Variants in WDR72 observed in about 807,000 individuals in gnomAD.
WDR72 encodes the protein WD repeat-containing protein 72.
WDR72 carries 120 observed loss-of-function variants against 124.2 expected under a neutral mutation model. The observed-to-expected ratio is 0.97, with a 90% CI of 0.83 to 1.12. WDR72 has a LOEUF of 1.12. Among genes scored for constraint, WDR72 ranks in the 50% most tolerant of loss-of-function variants. The pLI is 0.00. For synonymous variants in WDR72, 452 were observed against 441.7 expected, an observed-to-expected ratio of 1.02 and a Z score of -0.29; for missense variants, 1,387 against 1,278.8, an observed-to-expected ratio of 1.08 and a Z score of -1.29.
chr15:53,603,454 C>T (rs1185460859), intron 17 of WDR72, among the ~76,000 whole-genome samples: 1 of 152,152 alleles, frequency 6.6e-6, no homozygotes, highest in East Asian at 1.9e-4. Context: ...TCTTACTACT[C>T]CTATTCAACA....
intron 1 of WDR72, among the ~76,000 whole-genome samples, chr15:53,755,874 G>A (rs569229851): frequency 2.0e-5 from 3 of 152,248 alleles, no homozygotes; most frequent in East Asian, 3.9e-4. Context: ...AAAAAGTGGG[G>A]GGCATAGCTC....
chr15:53,633,600 AT>A (rs2014513018), intron 14 of WDR72, among the ~76,000 whole-genome samples: 1 of 152,226 alleles, frequency 6.6e-6, no homozygotes, highest in Non-Finnish European at 1.5e-5. Flanking sequence ...AATCATGAAT[AT>A]TTATGTATCT....
At chr15:53,539,017 T>C (rs1410271922) in intron 18 of WDR72, among the ~76,000 whole-genome samples, 1 of 152,082 alleles carries the variant, frequency 6.6e-6, no homozygotes, top group African/African-American at 2.4e-5. Context: ...GTGGGTCAAG[T>C]TACTCATAAG....
chr15:53,654,072 G>GGTTT (rs1175889734), intron 14 of WDR72, among the ~76,000 whole-genome samples: 1 of 152,070 alleles, frequency 6.6e-6, no homozygotes, highest in African/African-American at 2.4e-5. Flanking sequence ...ATAAACTACT[G>GGTTT]ACAAAACCTG....
intron 18 of WDR72, among the ~76,000 whole-genome samples, chr15:53,551,732 C>G (rs1252243541): frequency 6.6e-6 from 1 of 151,920 alleles, no homozygotes; most frequent in African/African-American, 2.4e-5. Flanking sequence ...AAGCAGGGAG[C>G]CAGAGGTGGA....
intron 18 of WDR72, among the ~76,000 whole-genome samples, chr15:53,583,840 T>G (rs1224244768): frequency 1.3e-5 from 2 of 151,990 alleles, no homozygotes; most frequent in East Asian, 3.9e-4. Flanking sequence ...GTAGATGGCT[T>G]GAAGAGATGG....
chr15:53,756,633 G>C (rs1047497814), intron 1 of WDR72: 2 of 152,096 alleles, frequency 1.3e-5, no homozygotes, highest in Non-Finnish European at 2.9e-5. Context: ...GAGAGGAAAA[G>C]TCAGTGTCAA....
chr15:53,683,379 G>A (rs1352473692), intron 13 of WDR72, among the ~76,000 whole-genome samples: 1 of 152,038 alleles, frequency 6.6e-6, no homozygotes, highest in Non-Finnish European at 1.5e-5. Flanking sequence ...AATACTCAAG[G>A]TGATGGAAAC....
intron 17 of WDR72, among the ~76,000 whole-genome samples, chr15:53,604,426 G>A (rs1022677738): frequency 1.3e-5 from 2 of 152,270 alleles, no homozygotes; most frequent in Non-Finnish European, 2.9e-5. Flanking sequence ...CATAGGCAAA[G>A]GTTTAATGGC....
intron 9 of WDR72, among the ~76,000 whole-genome samples, chr15:53,709,327 G>C (rs1045816156): frequency 2.6e-5 from 4 of 152,106 alleles, no homozygotes; most frequent in Non-Finnish European, 5.9e-5. Flanking sequence ...AGGCTTTCTC[G>C]CTTTTAAGAT....
At chr15:53,632,461 T>G (rs1437093676) in intron 14 of WDR72, among the ~76,000 whole-genome samples, 1 of 152,056 alleles carries the variant, frequency 6.6e-6, no homozygotes, top group Non-Finnish European at 1.5e-5. Context: ...GAACCTCTAC[T>G]AGAGCACTGC....
chr15:53,558,297 G>A (rs1308214114), intron 18 of WDR72, among the ~76,000 whole-genome samples: 2 of 151,874 alleles, frequency 1.3e-5, no homozygotes, highest in African/African-American at 2.4e-5. Flanking sequence ...GGTTTGCCTC[G>A]TCCTATCACC....
chr15:53,529,376 G>A (rs1051827180), intron 18 of WDR72, among the ~76,000 whole-genome samples: 4 of 151,722 alleles, frequency 2.6e-5, no homozygotes, highest in Non-Finnish European at 4.4e-5. Flanking sequence ...TTTATAAAAT[G>A]AGGGAGTTGA....
At chr15:53,725,505 C>T (rs1467906990) in intron 2 of WDR72, among the ~76,000 whole-genome samples, 1 of 152,130 alleles carries the variant, frequency 6.6e-6, no homozygotes, top group African/African-American at 2.4e-5. Context: ...AATCTGTACA[C>T]AAATGTTTAC....
At chr15:53,591,306 C>G (rs897941338) in intron 18 of WDR72, among the ~76,000 whole-genome samples, 7 of 151,968 alleles carry the variant, frequency 4.6e-5, no homozygotes, top group African/African-American at 1.7e-4. Context: ...ATCCTTAGCT[C>G]TTGAGTCAGT....
At chr15:53,609,468 C>T (rs2013437943) in intron 17 of WDR72, 45 bp downstream of exon 17, 2 of 1,537,516 alleles carry the variant, frequency 1.3e-6, no homozygotes, top group Non-Finnish European at 9.0e-7. Context: ...ACCACAGCAG[C>T]AAGGAACTCT....
Position 53,706,365 on chromosome 15 carries a change from T to TACAC in WDR72, c.955-292_955-291insGTGT, listed in dbSNP as rs1595863844. Among the ~76,000 whole-genome samples, 3 of 48,266 alleles carry TACAC rather than the reference T, an allele frequency of 6.2e-5. No individual in the cohort carries two copies. The South Asian group carries it at 2.1e-3, about 34-fold the overall frequency. 31.7% of individuals were successfully genotyped at this position (48,266 alleles called of 152,430 possible). The stretch of plus-strand genomic sequence containing the variant: ...GTGTGTGTGTGTATATATATATATA[T>TACAC]ATATATATATATATATATATATATA... On this transcript the variant is annotated intron_variant, in intron 9 of 19. Coordinates refer to ENST00000360509, the MANE Select transcript of WDR72 (RefSeq NM_182758.4).
chr15:53,700,324 A>G (rs2017133179), intron 12 of WDR72, among the ~76,000 whole-genome samples: 1 of 152,242 alleles, frequency 6.6e-6, no homozygotes, highest in African/African-American at 2.4e-5. Flanking sequence ...ACACAAGCTT[A>G]GGCCCAAGGG....
intron 18 of WDR72, among the ~76,000 whole-genome samples, chr15:53,587,771 T>C (rs1471497966): frequency 6.6e-6 from 1 of 152,032 alleles, no homozygotes; most frequent in Non-Finnish European, 1.5e-5. Flanking sequence ...CAAAGAGTGT[T>C]TTTACATTGT....
Sources: gnomAD v4.1 joint callset for allele counts (sites outside exome capture counted in the v4.1 genomes callset) on GRCh38, gnomAD v4.1.1 for gene constraint, MANE v1.5 for transcripts, NCBI Gene and HGNC (gene_info 2026-07-23, HGNC 2026-07-21) for gene names.